The following ITCH variants were observed in gnomAD, a reference collection of about 807,000 sequenced individuals.
ITCH encodes the protein itchy E3 ubiquitin protein ligase.
Under a neutral mutation model 126.8 loss-of-function variants are expected in ITCH, and 28 were observed. The ratio of observed to expected loss-of-function variants is 0.22; its 90% CI spans 0.16 to 0.30. The LOEUF is 0.30. Among genes scored for constraint, ITCH ranks in the 10% least tolerant of loss-of-function variants. The probability of loss-of-function intolerance (pLI) is 1.00; values close to 1 mark genes in which losing one functional copy is unlikely to be tolerated. For missense variants in ITCH, 631 were observed against 1,032.4 expected, an observed-to-expected ratio of 0.61 and a Z score of 5.33; for synonymous variants, 342 against 340.0, an observed-to-expected ratio of 1.01 and a Z score of -0.06.
rs777599294 is a variant in ITCH, at chr20:34,412,642, A to T, written c.337+3A>T. The T allele has an allele frequency of 6.2e-7, 1 of 1,604,342 alleles. No individual in the cohort carries two copies. The highest frequency in any genetic ancestry group is 8.5e-7 in the Non-Finnish European group (1 of 1,171,730). On this transcript the variant is annotated splice_donor_region_variant and intron_variant, in intron 5 of 24. Transcript: ENST00000374864. ...ATTAAAGTCAAACAATATGAAACGT[A>T]TGTATGTAAGACTAATAGAAATTGC...
intron 24 of ITCH, among the ~76,000 whole-genome samples, chr20:34,507,215 T>C (rs906000024): frequency 6.6e-6 from 1 of 150,694 alleles, no homozygotes; most frequent in African/African-American, 2.4e-5. Context: ...GCAGAGGGGC[T>C]CCAATTTCTC....
chr20:34,451,911 A>G (rs1462861077), intron 12 of ITCH, among the ~76,000 whole-genome samples: 2 of 151,976 alleles, frequency 1.3e-5, no homozygotes, highest in East Asian at 3.9e-4. Context: ...CTATAAAAAA[A>G]TACAAAAAAT....
chr20:34,376,887 G>C (rs1318119794), intron 2 of ITCH, among the ~76,000 whole-genome samples: 1 of 152,152 alleles, frequency 6.6e-6, no homozygotes, highest in Non-Finnish European at 1.5e-5. Flanking sequence ...TTGCATTAAA[G>C]AGGGCCAATT....
intron 13 of ITCH, among the ~76,000 whole-genome samples, chr20:34,459,333 T>TTA (rs1986301754): frequency 6.6e-6 from 1 of 152,198 alleles, no homozygotes; most frequent in African/African-American, 2.4e-5. Context: ...AAGTCTCTGG[T>TTA]ATCTAGGGTT....
intron 2 of ITCH, among the ~76,000 whole-genome samples, chr20:34,383,622 TC>T (rs2038152204): frequency 1.3e-5 from 2 of 151,712 alleles, no homozygotes; most frequent in African/African-American, 4.8e-5. Flanking sequence ...TGCCTCGGCT[TC>T]CCAAAGTGCT....
chr20:34,499,827 A>G (rs1191061017), intron 23 of ITCH, among the ~76,000 whole-genome samples: 1 of 152,120 alleles, frequency 6.6e-6, no homozygotes, highest in Non-Finnish European at 1.5e-5. Flanking sequence ...ATTTATTGCT[A>G]TAACATTACC....
chr20:34,481,342 T>G (rs969838712), intron 20 of ITCH, 136 bp downstream of exon 20: 7 of 980,012 alleles, frequency 7.1e-6, no homozygotes, highest in African/African-American at 6.6e-5. Flanking sequence ...TAGGCAGTCA[T>G]TTTTCATTTC....
At chr20:34,387,954 C>G (rs908608667) in intron 2 of ITCH, among the ~76,000 whole-genome samples, 1 of 152,138 alleles carries the variant, frequency 6.6e-6, no homozygotes, top group Non-Finnish European at 1.5e-5. Flanking sequence ...CCACCCGCCT[C>G]GGCCTCCCAA....
chr20:34,418,833 C>T (rs1474558586), intron 6 of ITCH, among the ~76,000 whole-genome samples: 1 of 143,130 alleles, frequency 7.0e-6, no homozygotes, highest in African/African-American at 2.6e-5. Context: ...GCGATCTCGG[C>T]TTACCGCAAC....
intron 2 of ITCH, among the ~76,000 whole-genome samples, chr20:34,375,696 A>ATT (rs5841171): frequency 0.022 from 1,425 of 65,564 alleles, 224 homozygotes; most frequent in African/African-American, 0.046. Flanking sequence ...GGTAGTTAAA[A>ATT]TTTTTTTTTT....
At chr20:34,415,148 G>T (rs1309209166) in intron 6 of ITCH, among the ~76,000 whole-genome samples, 1 of 152,208 alleles carries the variant, frequency 6.6e-6, no homozygotes, top group African/African-American at 2.4e-5. Flanking sequence ...GTTTGACGAA[G>T]ATCTTTTGGT....
chr20:34,410,624 G>A (rs1473018064), intron 4 of ITCH, among the ~76,000 whole-genome samples: 1 of 152,114 alleles, frequency 6.6e-6, no homozygotes, highest in South Asian at 2.1e-4. Context: ...GGGAGGATAA[G>A]GTGCTTTAGC....
At position 34,484,049 on chromosome 20, in the gene ITCH, G is replaced by A. The variant is rs927357842; in HGVS notation, c.2093+2843G>A. Among the ~76,000 whole-genome samples the A allele has an allele frequency of 1.4e-4, 22 of 152,126 alleles. No homozygotes were observed. In the South Asian group the frequency reaches 1.5e-3, roughly 10 times the overall value. The stretch of plus-strand genomic sequence containing the variant: ...AATGAGAACAACATGAGAAAGGCCC[G>A]CCCCCATGATTCAGTTATCTCCCAC... On this transcript the variant is annotated intron_variant, in intron 20 of 24. Coordinates refer to ENST00000374864, the MANE Select transcript of ITCH (RefSeq NM_031483.7).
intron 10 of ITCH, among the ~76,000 whole-genome samples, chr20:34,442,870 G>A (rs1485626515): frequency 6.6e-6 from 1 of 151,264 alleles, no homozygotes; most frequent in Non-Finnish European, 1.5e-5. Context: ...CAGCTACTTG[G>A]GAGGCTGAGG....
At chr20:34,466,248 G>A (rs1179131063) in intron 14 of ITCH, 1 of 386,002 alleles carries the variant, frequency 2.6e-6, no homozygotes, top group Non-Finnish European at 5.2e-6. Context: ...AACCTTTTTT[G>A]CATTCCAGGA....
At chr20:34,439,312 G>C (rs1358449820) in intron 8 of ITCH, among the ~76,000 whole-genome samples, 1 of 152,034 alleles carries the variant, frequency 6.6e-6, no homozygotes, top group Non-Finnish European at 1.5e-5. Flanking sequence ...GTCTCACTCT[G>C]TCACCCAGAC....
At chr20:34,370,956 CAGGAGATCGAGACCATCCTGGCTAACA>C (rs2037601729) in intron 2 of ITCH, among the ~76,000 whole-genome samples, 1 of 151,900 alleles carries the variant, frequency 6.6e-6, no homozygotes, top group South Asian at 2.1e-4. Context: ...ATCACGAGGT[CAGGAGATCGAGACCATCCTGGCTAACA>C]AGGTGAAACC....
chr20:34,482,903 C>G (rs1988858953), intron 20 of ITCH, among the ~76,000 whole-genome samples: 1 of 152,184 alleles, frequency 6.6e-6, no homozygotes, highest in African/African-American at 2.4e-5. Context: ...CATACGTCTT[C>G]TGAAATCTAG....
At chr20:34,451,676 C>T (rs769971776) in intron 12 of ITCH, among the ~76,000 whole-genome samples, 22 of 152,016 alleles carry the variant, frequency 1.4e-4, no homozygotes, top group Non-Finnish European at 2.4e-4. Context: ...CTAGAGTTTC[C>T]CAGCTTTATT....
Sources: gnomAD v4.1 joint callset for allele counts (sites outside exome capture counted in the v4.1 genomes callset) on GRCh38, gnomAD v4.1.1 for gene constraint, MANE v1.5 for transcripts, NCBI Gene and HGNC (gene_info 2026-07-23, HGNC 2026-07-21) for gene names.